Variants in EFCAB11 observed in about 807,000 individuals in gnomAD.
EFCAB11 encodes the protein EF-hand calcium-binding domain-containing protein 11.
EFCAB11 carries 14 observed loss-of-function variants against 23.0 expected under a neutral mutation model. That is an observed-to-expected ratio of 0.61 (90% CI 0.40 to 0.95). The LOEUF is 0.95. EFCAB11 is among the 40% of genes least tolerant of loss of function. EFCAB11 has a pLI of 0.00. For synonymous variants in EFCAB11, 65 were observed against 66.6 expected (o/e 0.98, Z 0.11); for missense variants, 198 against 195.8 (o/e 1.01, Z -0.07).
In EFCAB11 at chr14:89,924,328, C is replaced by T. The variant is rs537628430; in HGVS notation, c.410+7213G>A. ...CAGTCATGATGGGAGCATTTGGTGC[C>T]TCGATATTGCCACTTTACATCATCA... On this transcript the variant is annotated intron_variant, in intron 5 of 5. Transcript: ENST00000316738. The T allele has an allele frequency of 2.8e-6, 3 of 1,078,678 alleles. No homozygotes were observed. In the South Asian group the frequency reaches 9.9e-5, roughly 36 times the overall value. The allele number at this position is 1,078,678 out of a possible 1,614,324, so 66.8% of individuals were successfully genotyped here. A position where few individuals can be genotyped will look rare whatever the true frequency, so the allele number is the denominator to read the frequency against.
At chr14:89,896,112 G>T (rs189469133) in intron 5 of EFCAB11, among the ~76,000 whole-genome samples, 1 of 152,322 alleles carries the variant, frequency 6.6e-6, no homozygotes, top group Non-Finnish European at 1.5e-5. Flanking sequence ...GCGGCCGGGC[G>T]CGGTGGCTCA....
At chr14:89,939,322 G>A (rs1235579717) in intron 3 of EFCAB11, among the ~76,000 whole-genome samples, 1 of 152,176 alleles carries the variant, frequency 6.6e-6, no homozygotes. Flanking sequence ...TCTGTTAATG[G>A]GAGGACTGCA....
intron 5 of EFCAB11, among the ~76,000 whole-genome samples, chr14:89,883,898 G>T (rs1475973248): frequency 6.6e-6 from 1 of 152,180 alleles, no homozygotes; most frequent in Admixed American, 6.5e-5. Context: ...AGATGGAGGT[G>T]GGAGACTGCT....
At chr14:89,861,722 T>C (rs1360807464) in intron 5 of EFCAB11, among the ~76,000 whole-genome samples, 3 of 152,136 alleles carry the variant, frequency 2.0e-5, no homozygotes, top group East Asian at 1.9e-4. Context: ...GAGAGGACTA[T>C]TGGCTTTATA....
At chr14:89,842,627 G>GATATA (rs1046127335) in intron 5 of EFCAB11, among the ~76,000 whole-genome samples, 1 of 124,682 alleles carries the variant, frequency 8.0e-6, no homozygotes, top group African/African-American at 4.2e-5. Context: ...GATATGATAT[G>GATATA]ATATGATATG....
intron 5 of EFCAB11, among the ~76,000 whole-genome samples, chr14:89,826,185 CAT>C (rs58230111): frequency 4.6e-4 from 69 of 150,872 alleles, no homozygotes; most frequent in African/African-American, 1.4e-3. Flanking sequence ...TGAAATGTAT[CAT>C]ATATATATAT....
chr14:89,840,037 T>A (rs1887207506), intron 5 of EFCAB11, among the ~76,000 whole-genome samples: 1 of 152,128 alleles, frequency 6.6e-6, no homozygotes, highest in Non-Finnish European at 1.5e-5. Flanking sequence ...GGCAACAAAA[T>A]GAAGTCTGAC....
chr14:89,882,126 C>A (rs1172494512), intron 5 of EFCAB11, among the ~76,000 whole-genome samples: 8 of 152,182 alleles, frequency 5.3e-5, no homozygotes, highest in Admixed American at 5.2e-4. Flanking sequence ...TCTTACCTAA[C>A]ATGAATCTTA....
intron 5 of EFCAB11, chr14:89,924,803 C>A: frequency 9.3e-7 from 1 of 1,070,604 alleles, no homozygotes; most frequent in Non-Finnish European, 1.3e-6. Flanking sequence ...GGACTCTTTC[C>A]TAGTTTATGA....
At chr14:89,863,880 A>G (rs1361897881) in intron 5 of EFCAB11, among the ~76,000 whole-genome samples, 1 of 152,188 alleles carries the variant, frequency 6.6e-6, no homozygotes, top group East Asian at 1.9e-4. Context: ...AAATCCCAGT[A>G]TTTTTAAAAC....
chr14:89,937,826 C>T (rs1890641417), intron 3 of EFCAB11, among the ~76,000 whole-genome samples: 1 of 151,956 alleles, frequency 6.6e-6, no homozygotes, highest in Non-Finnish European at 1.5e-5. Context: ...ACCTGGCCAA[C>T]ATGTACATAT....
intron 5 of EFCAB11, among the ~76,000 whole-genome samples, chr14:89,825,134 A>G (rs1247744789): frequency 1.3e-5 from 2 of 151,334 alleles, no homozygotes; most frequent in African/African-American, 4.8e-5. Flanking sequence ...GTTGCAACAC[A>G]TTTGAAAAGA....
At chr14:89,915,132 T>G (rs1021148895) in intron 5 of EFCAB11, among the ~76,000 whole-genome samples, 1 of 152,190 alleles carries the variant, frequency 6.6e-6, no homozygotes, top group African/African-American at 2.4e-5. Context: ...TCTGTACACA[T>G]TATTATCATT....
At chr14:89,826,162 CCT>C (rs1454249472) in intron 5 of EFCAB11, among the ~76,000 whole-genome samples, 1 of 151,530 alleles carries the variant, frequency 6.6e-6, no homozygotes. Flanking sequence ...ATTAATTGAC[CCT>C]GTTATAATTA....
intron 1 of EFCAB11, 130 bp downstream of exon 1, chr14:89,954,456 C>T: frequency 6.5e-7 from 1 of 1,538,236 alleles, no homozygotes; most frequent in Non-Finnish European, 8.7e-7. Flanking sequence ...AGTCATTAAC[C>T]ACGACCCTTT....
intron 5 of EFCAB11, among the ~76,000 whole-genome samples, chr14:89,838,713 T>C (rs1887162994): frequency 1.3e-5 from 2 of 152,192 alleles, no homozygotes; most frequent in African/African-American, 4.8e-5. Context: ...AGCAACATCA[T>C]ACTAAATGGT....
At chr14:89,843,571 T>C (rs1887338942) in intron 5 of EFCAB11, among the ~76,000 whole-genome samples, 1 of 152,234 alleles carries the variant, frequency 6.6e-6, no homozygotes, top group African/African-American at 2.4e-5. Flanking sequence ...GTAGATACTC[T>C]TGTGCTACAC....
chr14:89,934,964 G>A (rs1165825301), intron 3 of EFCAB11, among the ~76,000 whole-genome samples: 3 of 152,110 alleles, frequency 2.0e-5, no homozygotes, highest in Non-Finnish European at 2.9e-5. Flanking sequence ...GCTTCCCCAA[G>A]CCAAGAGGCC....
At chr14:89,842,006 C>T (rs1174169590) in intron 5 of EFCAB11, among the ~76,000 whole-genome samples, 1 of 152,166 alleles carries the variant, frequency 6.6e-6, no homozygotes, top group Non-Finnish European at 1.5e-5. Context: ...TAAACCTGCG[C>T]CGCCTGTGTT....
Sources: allele counts gnomAD v4.1 joint callset (sites outside exome capture counted in the v4.1 genomes callset), GRCh38; gene constraint gnomAD v4.1.1; transcripts MANE v1.5; gene names NCBI Gene and HGNC (gene_info 2026-07-23, HGNC 2026-07-21).